LDLRAD4: variants seen among roughly 807,000 people sequenced by gnomAD.
LDLRAD4 encodes low-density lipoprotein receptor class A domain-containing protein 4.
A neutral mutation model predicts 17.0 loss-of-function variants in LDLRAD4; 5 were observed. The ratio of observed to expected loss-of-function variants is 0.29; its 90% CI spans 0.15 to 0.62. The LOEUF is 0.62. Ranked by LOEUF, LDLRAD4 falls within the 20% of genes least tolerant of loss-of-function variation. The pLI, the probability that LDLRAD4 is intolerant of heterozygous loss-of-function variation, is 0.84. For missense variants in LDLRAD4, 340 were observed against 424.7 expected, an observed-to-expected ratio of 0.80 and a Z score of 1.75; for synonymous variants, 168 against 171.8, an observed-to-expected ratio of 0.98 and a Z score of 0.17.
At chr18:13,290,416 T>C (rs2045899099) in intron 1 of LDLRAD4, among the ~76,000 whole-genome samples, 1 of 152,230 alleles carries the variant, frequency 6.6e-6, no homozygotes, top group South Asian at 2.1e-4. Flanking sequence ...TAACTTATTC[T>C]GGGTAAAATG....
intron 3 of LDLRAD4, chr18:13,526,130 G>A (rs2094028353): frequency 1.3e-5 from 2 of 152,172 alleles, no homozygotes; most frequent in Non-Finnish European, 1.5e-5. Flanking sequence ...CACTCCCATA[G>A]GATGGATATG....
chr18:13,566,172 C>A (rs1464791730), intron 3 of LDLRAD4, among the ~76,000 whole-genome samples: 1 of 152,076 alleles, frequency 6.6e-6, no homozygotes, highest in African/African-American at 2.4e-5. Flanking sequence ...GACTAACGGG[C>A]AGCCAATGAG....
rs1016602934 is a variant in LDLRAD4 at position 13,300,085 on chromosome 18, C to G, written c.-383+21897C>G. Among the ~76,000 whole-genome samples the G allele has an allele frequency of 8.5e-5, 13 of 152,220 alleles. No homozygotes were observed. Among genetic ancestry groups the G allele is most frequent in the Non-Finnish European group, 1.5e-5 (1 of 68,046 alleles). ...TGTTTGATTTGGGAACAGCTGGTCA[C>G]AGCCCATGTGGCTCTGCCCCATGCT... On this transcript the variant is annotated intron_variant, in intron 1 of 5. Transcript: ENST00000359446. This position sits in a 1 kb window ranked among gnomAD's most constrained non-coding sequence, Gnocchi z 4.2.
chr18:13,560,743 A>AAT (rs1219215273), intron 3 of LDLRAD4, among the ~76,000 whole-genome samples: 1 of 152,172 alleles, frequency 6.6e-6, no homozygotes, highest in Non-Finnish European at 1.5e-5. Context: ...TTAAGTTGAG[A>AAT]ATAATAATTA....
chr18:13,294,889 C>A (rs1021723666), intron 1 of LDLRAD4, among the ~76,000 whole-genome samples: 6 of 150,808 alleles, frequency 4.0e-5, no homozygotes, highest in African/African-American at 1.5e-4. Flanking sequence ...AGACTGTATT[C>A]TTGCTGGACA....
chr18:13,405,454 ACT>A (rs1249065347), intron 2 of LDLRAD4, among the ~76,000 whole-genome samples: 2 of 152,012 alleles, frequency 1.3e-5, no homozygotes, highest in African/African-American at 4.8e-5. Flanking sequence ...GCGGGGTCTC[ACT>A]CTGTCATCCA....
chr18:13,310,159 A>G (rs1444893927), intron 1 of LDLRAD4, among the ~76,000 whole-genome samples: 1 of 145,304 alleles, frequency 6.9e-6, no homozygotes, highest in Non-Finnish European at 1.5e-5. Context: ...AGCCTGCGCA[A>G]CATAGTGAGA....
chr18:13,277,813 C>T (rs1048540950), upstream of LDLRAD4, among the ~76,000 whole-genome samples: 1 of 152,198 alleles, frequency 6.6e-6, no homozygotes, highest in African/African-American at 2.4e-5. Flanking sequence ...AGAGGAGGCC[C>T]GTGCCTCTGC....
At chr18:13,491,721 CT>C (rs926873363) in intron 3 of LDLRAD4, 1 of 152,132 alleles carries the variant, frequency 6.6e-6, no homozygotes, top group African/African-American at 2.4e-5. Context: ...CCGGCAGGGA[CT>C]TTTACACCCA....
chr18:13,318,098 A>G (rs1031047991), intron 1 of LDLRAD4, among the ~76,000 whole-genome samples: 9 of 152,164 alleles, frequency 5.9e-5, no homozygotes, highest in East Asian at 3.9e-4. Context: ...TTGTGAAGTC[A>G]CTGTTCCCTG....
At chr18:13,519,486 C>T (rs1001774615) in intron 3 of LDLRAD4, among the ~76,000 whole-genome samples, 2 of 152,256 alleles carry the variant, frequency 1.3e-5, no homozygotes, top group Admixed American at 1.3e-4. Flanking sequence ...ATGGGCCAGG[C>T]GCAGTGACTC....
upstream of LDLRAD4, chr18:13,218,682 C>A (rs969215987): frequency 1.3e-5 from 2 of 152,190 alleles, no homozygotes; most frequent in Non-Finnish European, 2.9e-5. Context: ...CACCCGGCGT[C>A]CCCCCGGGTC....
intron 1 of LDLRAD4, among the ~76,000 whole-genome samples, chr18:13,303,791 A>G (rs999561935): frequency 6.6e-6 from 1 of 152,212 alleles, no homozygotes; most frequent in Non-Finnish European, 1.5e-5. Flanking sequence ...AAGCCCATGC[A>G]TCTTTCTGGG....
intron 3 of LDLRAD4, among the ~76,000 whole-genome samples, chr18:13,546,546 T>C (rs904546234): frequency 1.3e-5 from 2 of 152,020 alleles, no homozygotes; most frequent in Non-Finnish European, 2.9e-5. Flanking sequence ...TTTTTGCATT[T>C]TTTGTAGAGA....
At chr18:13,304,898 T>C (rs2046820814) in intron 1 of LDLRAD4, among the ~76,000 whole-genome samples, 1 of 152,190 alleles carries the variant, frequency 6.6e-6, no homozygotes, top group Non-Finnish European at 1.5e-5. Flanking sequence ...TCAGCCTGCA[T>C]GCGTCAGCCT....
chr18:13,285,694 G>A (rs895622351), intron 1 of LDLRAD4, among the ~76,000 whole-genome samples: 1 of 152,036 alleles, frequency 6.6e-6, no homozygotes, highest in Non-Finnish European at 1.5e-5. Flanking sequence ...GGTTTGCTGG[G>A]GCTGTCCACA....
intron 3 of LDLRAD4, among the ~76,000 whole-genome samples, chr18:13,574,392 A>G (rs1178465749): frequency 6.6e-6 from 1 of 152,074 alleles, no homozygotes. Flanking sequence ...CCAGACCCCT[A>G]TTTAGATCCC....
intron 1 of LDLRAD4, among the ~76,000 whole-genome samples, chr18:13,309,006 T>A (rs1652979558): frequency 6.6e-6 from 1 of 152,222 alleles, no homozygotes; most frequent in African/African-American, 2.4e-5. Context: ...GGTCCTGTCT[T>A]CTTGACTTTA....
intron 1 of LDLRAD4, among the ~76,000 whole-genome samples, chr18:13,376,068 T>C (rs1192406275): frequency 1.3e-5 from 2 of 152,146 alleles, no homozygotes; most frequent in East Asian, 3.9e-4. Context: ...GAGGGAACTG[T>C]GTTCACTTCA....
Sources: allele counts gnomAD v4.1 joint callset (sites outside exome capture counted in the v4.1 genomes callset), GRCh38; gene constraint gnomAD v4.1.1; non-coding constraint Gnocchi (gnomAD v3.1); transcripts MANE v1.5; gene names NCBI Gene and HGNC (gene_info 2026-07-23, HGNC 2026-07-21).